C1orf94: variants seen among roughly 807,000 people sequenced by gnomAD.
C1orf94 encodes the protein uncharacterized protein C1orf94.
A neutral mutation model predicts 53.6 loss-of-function variants in C1orf94; 45 were observed. The ratio of observed to expected loss-of-function variants is 0.84; its 90% CI spans 0.66 to 1.08. C1orf94 has a LOEUF of 1.08. Ranked by LOEUF, C1orf94 falls within the 50% of genes least tolerant of loss-of-function variation. The pLI, the probability that C1orf94 is intolerant of heterozygous loss-of-function variation, is 0.00. For synonymous variants in C1orf94, 304 were observed against 296.1 expected (o/e 1.03, Z -0.27); for missense variants, 762 against 738.9 (o/e 1.03, Z -0.36).
At chr1:34,214,841 GTGGAT>G (rs1642956156) in intron 6 of C1orf94, among the ~76,000 whole-genome samples, 1 of 152,278 alleles carries the variant, frequency 6.6e-6, no homozygotes, top group African/African-American at 2.4e-5. Context: ...AAGGAGCAGG[GTGGAT>G]TGGCGTTCTG....
At chr1:34,210,212 G>A (rs1642866896) in intron 5 of C1orf94, among the ~76,000 whole-genome samples, 1 of 152,144 alleles carries the variant, frequency 6.6e-6, no homozygotes, top group African/African-American at 2.4e-5. Flanking sequence ...CCTCCCCCAT[G>A]AGGACAGGGG....
At position 34,178,241 on chromosome 1, in the gene C1orf94, C is replaced by G. The variant is rs1195656263; in HGVS notation, c.320+132C>G. On this transcript the variant is annotated intron_variant, in intron 1 of 6. Coordinates refer to ENST00000488417, the MANE Select transcript of C1orf94 (RefSeq NM_001134734.2). ...GGCTGTATATTGCCCCCTCCATGGT[C>G]CTTTGTCCAAGCTTTATAGAAGAGC... is the stretch of plus-strand genomic sequence containing the variant. 8 of 973,456 alleles carry G rather than the reference C, an allele frequency of 8.2e-6. No homozygotes were observed. In the East Asian group the frequency reaches 2.1e-4, roughly 26 times the overall value. 60.3% of individuals were successfully genotyped at this position (973,456 alleles called of 1,614,324 possible).
intron 5 of C1orf94, among the ~76,000 whole-genome samples, chr1:34,210,323 G>T (rs1376609688): frequency 6.6e-6 from 1 of 152,200 alleles, no homozygotes; most frequent in Non-Finnish European, 1.5e-5. Flanking sequence ...GGGATTTGGT[G>T]CCTGCGCCCA....
chr1:34,208,196 C>T lies in C1orf94; in HGVS notation c.1486C>T (p.Gln496Ter). The T allele has an allele frequency of 1.9e-6, 3 of 1,614,106 alleles. No individual in the cohort carries two copies. In the South Asian group the frequency reaches 3.3e-5, roughly 18 times the overall value. ...GCAGGCAGCGAGGATGCCCTATCAGCAGGCTTTGCACCCGCAGCTGGGATG... is the reference window on the plus strand; with the variant it reads ...GCAGGCAGCGAGGATGCCCTATCAGTAGGCTTTGCACCCGCAGCTGGGATG... ...PQQAARMPYQ[Q>*]ALHPQLGCYS... is the part of the protein sequence containing the mutation. The change falls in exon 5 of 7, where the codon CAG becomes TAG. Residue 496 changes from glutamine to a stop codon, truncating the protein, a stop_gained. Coordinates refer to ENST00000488417, the MANE Select transcript of C1orf94 (RefSeq NM_001134734.2). LOFTEE classifies it high-confidence loss of function.
At chr1:34,215,893 C>T (rs1360429087) in intron 6 of C1orf94, among the ~76,000 whole-genome samples, 1 of 152,114 alleles carries the variant, frequency 6.6e-6, no homozygotes, top group African/African-American at 2.4e-5. Flanking sequence ...ATAATCCCAG[C>T]TACTCGGGAG....
intron 6 of C1orf94, among the ~76,000 whole-genome samples, chr1:34,214,042 A>C (rs1180402783): frequency 6.6e-6 from 1 of 152,224 alleles, no homozygotes; most frequent in East Asian, 1.9e-4. Flanking sequence ...CCTATAGATG[A>C]ATAGGACATG....
chr1:34,172,817 A>G (rs540161529), upstream of C1orf94, among the ~76,000 whole-genome samples: 1 of 152,348 alleles, frequency 6.6e-6, no homozygotes, highest in South Asian at 2.1e-4. Flanking sequence ...GCCCATTCCC[A>G]TGAAACATGG....
chr1:34,212,472 G>A, intron 6 of C1orf94, 66 bp downstream of exon 6: 6 of 1,493,968 alleles, frequency 4.0e-6, no homozygotes, highest in Non-Finnish European at 5.4e-6. Context: ...GGCAAGTTGG[G>A]TGGGCTTACC....
At position 34,197,054 on chromosome 1, in the gene C1orf94, G is replaced by A. The variant is rs564779361; in HGVS notation, c.321-171G>A. On this transcript the variant is annotated intron_variant, in intron 1 of 6. Transcript: ENST00000488417. This position sits in a 1 kb window ranked among gnomAD's most constrained non-coding sequence, Gnocchi z 4.1. ...GCTCTCAGTGCTGCATCCTACCGCT[G>A]TGGTATAGGACCCTCTGGGGGTCCA... 5.9e-5 allele frequency among the ~76,000 whole-genome samples: 9 copies of A among 152,340 alleles called. No individual in the cohort carries two copies. The South Asian group carries it at 6.2e-4, about 11-fold the overall frequency.
At chr1:34,204,798 G>C (rs1054129249) in intron 4 of C1orf94, among the ~76,000 whole-genome samples, 1 of 152,012 alleles carries the variant, frequency 6.6e-6, no homozygotes. Flanking sequence ...CAGAGGCTGA[G>C]ATAGGAGAAT....
chr1:34,181,404 G>A (rs1290697197), intron 1 of C1orf94, among the ~76,000 whole-genome samples: 1 of 152,164 alleles, frequency 6.6e-6, no homozygotes. Flanking sequence ...TCTGTTTCCT[G>A]TTAATGACAA....
At chr1:34,206,335 A>G (rs560652949) in intron 4 of C1orf94, among the ~76,000 whole-genome samples, 1 of 152,344 alleles carries the variant, frequency 6.6e-6, no homozygotes, top group African/African-American at 2.4e-5. Flanking sequence ...GGAGAAGATG[A>G]TGAAAAAGAG....
At chr1:34,217,381 T>A (rs548935236) in intron 6 of C1orf94, among the ~76,000 whole-genome samples, 1 of 152,342 alleles carries the variant, frequency 6.6e-6, no homozygotes, top group Admixed American at 6.5e-5. Context: ...TACTGATAAT[T>A]GTTAAATACT....
At chr1:34,170,074 GT>G (rs565247722) in intron 1 of C1orf94, among the ~76,000 whole-genome samples, 25 of 152,370 alleles carry the variant, frequency 1.6e-4, no homozygotes, top group Non-Finnish European at 3.1e-4. Context: ...AAAACAGGGT[GT>G]TAAGCCATTG....
At chr1:34,216,892 A>G (rs1393113356) in intron 6 of C1orf94, among the ~76,000 whole-genome samples, 2 of 152,192 alleles carry the variant, frequency 1.3e-5, no homozygotes, top group Non-Finnish European at 2.9e-5. Flanking sequence ...CAGCCTGGCC[A>G]ACACAGTGAA....
chr1:34,171,972 A>G (rs537949205), upstream of C1orf94, among the ~76,000 whole-genome samples: 4 of 152,136 alleles, frequency 2.6e-5, no homozygotes, highest in African/African-American at 9.7e-5. Flanking sequence ...TTGATGCTGT[A>G]GTTTGTACTT....
chr1:34,210,619 G>T (rs901944746), intron 5 of C1orf94, among the ~76,000 whole-genome samples: 6 of 151,872 alleles, frequency 4.0e-5, no homozygotes, highest in African/African-American at 1.5e-4. Context: ...GAAGGGCCGG[G>T]CACATTTTAA....
At chr1:34,192,996 G>T (rs1642518096) in intron 1 of C1orf94, among the ~76,000 whole-genome samples, 1 of 152,164 alleles carries the variant, frequency 6.6e-6, no homozygotes, top group South Asian at 2.1e-4. Flanking sequence ...GCAGGGGAAT[G>T]GTTTGATCTG....
intron 4 of C1orf94, among the ~76,000 whole-genome samples, chr1:34,203,435 C>A (rs941424583): frequency 6.6e-6 from 1 of 152,038 alleles, no homozygotes; most frequent in African/African-American, 2.4e-5. Flanking sequence ...CCCTCAAATG[C>A]CATTTTATAT....
Sources: allele counts gnomAD v4.1 joint callset (sites outside exome capture counted in the v4.1 genomes callset), GRCh38; gene constraint gnomAD v4.1.1; non-coding constraint Gnocchi (gnomAD v3.1); transcripts MANE v1.5; gene names NCBI Gene and HGNC (gene_info 2026-07-23, HGNC 2026-07-21).